The following CCDC60 variants were observed in gnomAD, a reference collection of about 807,000 sequenced individuals.
CCDC60 encodes the protein coiled-coil domain-containing protein 60.
Under a neutral mutation model 63.5 loss-of-function variants are expected in CCDC60, and 54 were observed. That is an observed-to-expected ratio of 0.85 (90% confidence interval 0.68 to 1.07). The LOEUF (loss-of-function observed/expected upper bound fraction) is 1.07, where lower values mean the gene tolerates loss of function less well. Ranked by LOEUF, CCDC60 falls within the 50% of genes least tolerant of loss-of-function variation. The pLI, the probability that CCDC60 is intolerant of heterozygous loss-of-function variation, is 0.00. For missense variants in CCDC60, 651 were observed against 684.3 expected, an observed-to-expected ratio of 0.95 and a Z score of 0.54; for synonymous variants, 206 against 238.8, an observed-to-expected ratio of 0.86 and a Z score of 1.27.
intron 4 of CCDC60, among the ~76,000 whole-genome samples, chr12:119,487,057 G>T (rs1383366961): frequency 1.3e-5 from 2 of 152,096 alleles, no homozygotes; most frequent in African/African-American, 4.8e-5. Flanking sequence ...AAAAAGGCAG[G>T]CAGCAGGTTA....
chr12:119,455,772 AGAGT>A, intron 2 of CCDC60, among the ~76,000 whole-genome samples: 1 of 150,170 alleles, frequency 6.7e-6, no homozygotes, highest in Admixed American at 6.7e-5. Context: ...AAAGAAAGAA[AGAGT>A]GAAAGAAAGA....
chr12:119,539,579 C>T (rs534650379), intron 13 of CCDC60, among the ~76,000 whole-genome samples: 19 of 152,346 alleles, frequency 1.2e-4, no homozygotes, highest in Non-Finnish European at 1.9e-4. Context: ...GCTGTGCTGG[C>T]GGCAGGAATT....
intron 1 of CCDC60, among the ~76,000 whole-genome samples, chr12:119,394,924 G>A (rs1231804445): frequency 6.6e-6 from 1 of 152,238 alleles, no homozygotes; most frequent in Non-Finnish European, 1.5e-5. Flanking sequence ...ACACAGAGAA[G>A]CATGACTAAC....
chr12:119,399,149 G>T (rs189665063), intron 1 of CCDC60, among the ~76,000 whole-genome samples: 2 of 152,282 alleles, frequency 1.3e-5, no homozygotes, highest in African/African-American at 4.8e-5. Context: ...ATCAATTCAA[G>T]AGGCCCCAGT....
At chr12:119,527,646 TTTTCTTTC>T (rs774904260) in intron 11 of CCDC60, among the ~76,000 whole-genome samples, 3 of 136,114 alleles carry the variant, frequency 2.2e-5, no homozygotes, top group African/African-American at 5.6e-5. Context: ...AGACTTTGTT[TTTTCTTTC>T]TTTCTTTCTT....
At chr12:119,498,465 T>C (rs1483101765) in intron 5 of CCDC60, among the ~76,000 whole-genome samples, 1 of 152,154 alleles carries the variant, frequency 6.6e-6, no homozygotes, top group Non-Finnish European at 1.5e-5. Context: ...CCAGAGCAGC[T>C]GGGATTACAG....
rs869099213 is a variant in CCDC60 at position 119,527,666 on chromosome 12, CTTTTTTT to C, written c.1230-930_1230-924del. ...TTGTTTTTTCTTTCTTTCTTTCTTT[CTTTTTTT>C]TTTTTTTTTTTTTTTTTTATTGAGA... is the stretch of plus-strand genomic sequence containing the variant. On this transcript the variant is annotated intron_variant, in intron 11 of 13. Coordinates refer to ENST00000327554, the MANE Select transcript of CCDC60 (RefSeq NM_178499.5). 8.9e-3 allele frequency among the ~76,000 whole-genome samples: 756 copies of C among 84,968 alleles called. 6 individuals carry two copies. The highest frequency in any genetic ancestry group is 0.036 in the African/African-American group (726 of 20,232). 55.7% of individuals were successfully genotyped at this position (84,968 alleles called of 152,430 possible). A position where few individuals can be genotyped will look rare whatever the true frequency, so the allele number is the denominator to read the frequency against.
At chr12:119,366,552 C>A (rs1955842121) in intron 1 of CCDC60, among the ~76,000 whole-genome samples, 1 of 152,186 alleles carries the variant, frequency 6.6e-6, no homozygotes, top group Admixed American at 6.5e-5. Context: ...GCCTAAGAAA[C>A]CCCACTTTGA....
At chr12:119,473,661 C>G (rs1197389714) in intron 3 of CCDC60, among the ~76,000 whole-genome samples, 1 of 152,130 alleles carries the variant, frequency 6.6e-6, no homozygotes. Flanking sequence ...TTTGCCTTTG[C>G]ATCCTCATAG....
intron 1 of CCDC60, among the ~76,000 whole-genome samples, chr12:119,364,098 T>C (rs1955817228): frequency 6.6e-6 from 1 of 152,192 alleles, no homozygotes; most frequent in Non-Finnish European, 1.5e-5. Context: ...ACTCAGAAAT[T>C]GAAAACAAGC....
intron 1 of CCDC60, among the ~76,000 whole-genome samples, chr12:119,426,939 C>A (rs1010844752): frequency 1.3e-5 from 2 of 152,186 alleles, no homozygotes; most frequent in East Asian, 3.9e-4. Context: ...GGCACCATAG[C>A]CCAATTTCAT....
intron 13 of CCDC60, among the ~76,000 whole-genome samples, chr12:119,538,444 T>G (rs1953072120): frequency 1.3e-5 from 2 of 152,254 alleles, no homozygotes; most frequent in East Asian, 1.9e-4. Flanking sequence ...CCAGTCCCAA[T>G]GAGATGAACC....
intron 2 of CCDC60, among the ~76,000 whole-genome samples, chr12:119,432,813 T>G (rs1177624955): frequency 6.6e-6 from 1 of 152,228 alleles, no homozygotes. Flanking sequence ...AACCGATCGT[T>G]AAACACAGCT....
chr12:119,414,133 C>T (rs938567006), intron 1 of CCDC60, among the ~76,000 whole-genome samples: 3 of 152,176 alleles, frequency 2.0e-5, no homozygotes, highest in African/African-American at 4.8e-5. Context: ...ATTCTTCTCC[C>T]TCAGCCTCCC....
chr12:119,422,464 G>A (rs568606490), intron 1 of CCDC60, among the ~76,000 whole-genome samples: 1 of 152,174 alleles, frequency 6.6e-6, no homozygotes, highest in African/African-American at 2.4e-5. Flanking sequence ...TCTGGTCCTG[G>A]GGAGGCCTCA....
At chr12:119,386,921 A>G (rs1296584382) in intron 1 of CCDC60, among the ~76,000 whole-genome samples, 1 of 151,980 alleles carries the variant, frequency 6.6e-6, no homozygotes, top group Non-Finnish European at 1.5e-5. Context: ...CAGGGTGGAT[A>G]TTTCTATGGA....
chr12:119,513,127 G>C (rs1432767206), intron 7 of CCDC60, among the ~76,000 whole-genome samples: 2 of 152,306 alleles, frequency 1.3e-5, no homozygotes, highest in East Asian at 3.9e-4. Context: ...TCGTGGTTTT[G>C]TATCAAAGCA....
At chr12:119,464,945 A>G (rs940571756) in intron 2 of CCDC60, among the ~76,000 whole-genome samples, 4 of 152,226 alleles carry the variant, frequency 2.6e-5, no homozygotes, top group African/African-American at 9.6e-5. Flanking sequence ...AACCCCCAGG[A>G]ACTTCAACTT....
chr12:119,407,349 AAAAG>A (rs1017120978), intron 1 of CCDC60, among the ~76,000 whole-genome samples: 3 of 147,682 alleles, frequency 2.0e-5, no homozygotes, highest in African/African-American at 7.9e-5. Flanking sequence ...TCTACAAAAA[AAAAG>A]AAAAGAAAAG....
Sources: gnomAD v4.1 joint callset for allele counts (sites outside exome capture counted in the v4.1 genomes callset) on GRCh38, gnomAD v4.1.1 for gene constraint, MANE v1.5 for transcripts, NCBI Gene and HGNC (gene_info 2026-07-23, HGNC 2026-07-21) for gene names.